JHY: variants seen among roughly 807,000 people sequenced by gnomAD.
JHY encodes the protein junctional cadherin complex regulator, also known as jhy protein homolog.
In JHY, 69 loss-of-function variants were observed where a neutral mutation model predicts 78.0. The observed-to-expected ratio is 0.88, with a 90% confidence interval of 0.73 to 1.08. The LOEUF is 1.08. Ranked by LOEUF, JHY falls within the 50% of genes least tolerant of loss-of-function variation. JHY has a pLI of 0.00. For synonymous variants in JHY, 368 were observed against 342.6 expected (o/e 1.07, Z -0.82); for missense variants, 944 against 927.8 (o/e 1.02, Z -0.23).
At chr11:122,905,535 C>T in intron 3 of JHY, 1 of 1,097,812 alleles carries the variant, frequency 9.1e-7, no homozygotes, top group African/African-American at 1.6e-5. Flanking sequence ...GGTGGATGAA[C>T]ATTTGTGGCT....
At chr11:122,905,024 T>C in intron 3 of JHY, 1 of 699,912 alleles carries the variant, frequency 1.4e-6, no homozygotes, top group Non-Finnish European at 2.4e-6. Flanking sequence ...AGGTGGGTTT[T>C]TTTTTTCAAT....
At chr11:122,911,654 C>G (rs2135319947) in intron 3 of JHY, among the ~76,000 whole-genome samples, 1 of 152,190 alleles carries the variant, frequency 6.6e-6, no homozygotes, top group Middle Eastern at 3.4e-3. Flanking sequence ...TCCTATAACC[C>G]TAGCACTTTG....
rs549805302 is a variant in JHY at position 122,955,113 on chromosome 11, G to A, written c.1930-1383G>A. On this transcript the variant is annotated intron_variant, in intron 6 of 8. Transcript: ENST00000227349. ...GGAAGTAGCGAGTCTAAACTTCAGG[G>A]TTTGTTGTTGTTGTTGTTGTTGTTT... Among the ~76,000 whole-genome samples the A allele has an allele frequency of 4.6e-5, 7 of 152,204 alleles. No individual in the cohort carries two copies. In the South Asian group the frequency reaches 1.5e-3, roughly 32 times the overall value.
Position 122,885,902 on chromosome 11 carries a change from A to C in JHY, c.53A>C (p.His18Pro), listed in dbSNP as rs145952459. Reference sequence around the variant, plus strand: ...CTCTCTATTCAATCTCCTGTCCTTCATACCAACTTAAATGTCCAGTCCACA... The same window carrying C: ...CTCTCTATTCAATCTCCTGTCCTTCCTACCAACTTAAATGTCCAGTCCACA... ...PKLSIQSPVLHTNLNVQSTHP... is the reference protein window; with the variant it reads ...PKLSIQSPVLPTNLNVQSTHP... The change falls in exon 2 of 9, where the codon CAT becomes CCT. Residue 18 changes from histidine (H) to proline (P), a missense_variant. Transcript: ENST00000227349. 1,054 of 1,614,190 alleles carry C rather than the reference A, an allele frequency of 6.5e-4. 1 individual carries two copies. The highest frequency in any genetic ancestry group is 1.1e-3 in the Admixed American group (64 of 60,024).
intron 2 of JHY, among the ~76,000 whole-genome samples, chr11:122,902,465 A>G (rs1328248070): frequency 6.7e-6 from 1 of 148,312 alleles, no homozygotes; most frequent in East Asian, 2.0e-4. Flanking sequence ...ACTTGTCTCA[A>G]AAAAAAAAAA....
intron 1 of JHY, among the ~76,000 whole-genome samples, chr11:122,885,165 A>G (rs894548644): frequency 6.6e-6 from 1 of 151,952 alleles, no homozygotes; most frequent in African/African-American, 2.4e-5. Flanking sequence ...ATTTATGTCC[A>G]CCTAAATTAT....
intron 2 of JHY, among the ~76,000 whole-genome samples, chr11:122,902,017 CA>C (rs1191164310): frequency 6.6e-6 from 1 of 152,062 alleles, no homozygotes; most frequent in Non-Finnish European, 1.5e-5. Flanking sequence ...GGAAGGTCTT[CA>C]GGGGCAGTAA....
Position 122,961,637 on chromosome 11 carries a change from T to A in JHY, c.*2192T>A, listed in dbSNP as rs1864319236. Among the ~76,000 whole-genome samples, 1 of 152,158 alleles carries A rather than the reference T, an allele frequency of 6.6e-6. No homozygotes were observed. The highest frequency in any genetic ancestry group is 1.5e-5 in the Non-Finnish European group (1 of 68,016). Reference sequence around the variant, plus strand: ...TCCAAAGTGCTGGGATTACAGGCGTTAGCTACTACACCTGGCCCTATGATC... The same window carrying A: ...TCCAAAGTGCTGGGATTACAGGCGTAAGCTACTACACCTGGCCCTATGATC... On this transcript the variant is annotated 3_prime_UTR_variant, in exon 9 of 9. Coordinates refer to ENST00000227349, the MANE Select transcript of JHY (RefSeq NM_024806.4).
chr11:122,890,783 T>G (rs1051194867), intron 2 of JHY, among the ~76,000 whole-genome samples: 1 of 152,224 alleles, frequency 6.6e-6, no homozygotes, highest in Non-Finnish European at 1.5e-5. Flanking sequence ...TTCCTCAGAT[T>G]GATTTGCCTT....
chr11:122,918,121 G>A (rs1020601415), intron 3 of JHY, among the ~76,000 whole-genome samples: 4 of 151,436 alleles, frequency 2.6e-5, no homozygotes, highest in South Asian at 2.1e-4. Context: ...GGCTGGTCTC[G>A]AACTCCTGGT....
At chr11:122,916,662 T>C (rs1488631638) in intron 3 of JHY, among the ~76,000 whole-genome samples, 1 of 152,164 alleles carries the variant, frequency 6.6e-6, no homozygotes, top group African/African-American at 2.4e-5. Context: ...GTTTTTGAGA[T>C]GTAGTCTCCC....
Position 122,934,538 on chromosome 11 carries a change from T to C in JHY, c.1097T>C (p.Ile366Thr). Residue 366 changes from isoleucine to threonine, a missense_variant, in exon 5 of 9, where the codon ATT becomes ACT. Coordinates refer to ENST00000227349, the MANE Select transcript of JHY (RefSeq NM_024806.4). ...QPSRRPAKLKIRKQCKHQNGL... is the reference protein window; with the variant it reads ...QPSRRPAKLKTRKQCKHQNGL... ...TCCAGAAGACCAGCCAAGCTCAAGA[T>C]TCGAAAGCAGTGTAAACACCAGAAT... 1 of 1,613,962 alleles carries C rather than the reference T, an allele frequency of 6.2e-7. No homozygotes were observed. Among genetic ancestry groups the C allele is most frequent in the Non-Finnish European group, 8.5e-7 (1 of 1,180,012 alleles).
At chr11:122,958,710 A>G (rs925860761) in intron 8 of JHY, 14 of 983,746 alleles carry the variant, frequency 1.4e-5, no homozygotes, top group Admixed American at 6.2e-5. Context: ...CATCACTGAG[A>G]AAAAGACTGC....
chr11:122,932,370 C>G (rs1468706940), intron 4 of JHY, among the ~76,000 whole-genome samples: 3 of 152,142 alleles, frequency 2.0e-5, no homozygotes, highest in African/African-American at 7.2e-5. Context: ...AGTCCTTGGC[C>G]TTGTTGTCAG....
rs1591404147 is a variant in JHY, at chr11:122,958,750, GA to G, written c.2140-491del. On this transcript the variant is annotated intron_variant, in intron 8 of 8. Coordinates refer to ENST00000227349, the MANE Select transcript of JHY (RefSeq NM_024806.4). Reference sequence around the variant, plus strand: ...TTCAGCGTCTAGATTGCTATAGAAAGAAAAAAATTTCAACCTCAAATACTTT... The same window carrying G: ...TTCAGCGTCTAGATTGCTATAGAAAGAAAAAATTTCAACCTCAAATACTTT... 9 of 985,014 alleles carry G rather than the reference GA, an allele frequency of 9.1e-6. No homozygotes were observed. The South Asian group carries it at 2.4e-4, about 26-fold the overall frequency. 61.0% of individuals were successfully genotyped at this position (985,014 alleles called of 1,614,324 possible). A position where few individuals can be genotyped will look rare whatever the true frequency, so the allele number is the denominator to read the frequency against.
intron 8 of JHY, among the ~76,000 whole-genome samples, chr11:122,957,710 AC>A (rs768089399): frequency 1.2e-3 from 186 of 151,486 alleles, no homozygotes; most frequent in Non-Finnish European, 2.3e-3. Flanking sequence ...TAAAAAAAAA[AC>A]CTTCCCATTT....
At chr11:122,910,735 C>G (rs966736594) in intron 3 of JHY, among the ~76,000 whole-genome samples, 15 of 152,044 alleles carry the variant, frequency 9.9e-5, no homozygotes, top group African/African-American at 3.1e-4. Flanking sequence ...TGTAGTAACC[C>G]TTATAACTTC....
At chr11:122,888,032 C>A (rs953724612) in intron 2 of JHY, among the ~76,000 whole-genome samples, 1 of 104,714 alleles carries the variant, frequency 9.5e-6, no homozygotes, top group Non-Finnish European at 1.9e-5. Flanking sequence ...TATCTTTCTT[C>A]TTCCTTCCTT....
intron 3 of JHY, among the ~76,000 whole-genome samples, chr11:122,907,042 G>A (rs957606505): frequency 1.3e-5 from 2 of 151,936 alleles, no homozygotes; most frequent in Non-Finnish European, 2.9e-5. Flanking sequence ...TAGTTGCTAT[G>A]CAGGATTCGA....
Sources: allele counts gnomAD v4.1 joint callset (sites outside exome capture counted in the v4.1 genomes callset), GRCh38; gene constraint gnomAD v4.1.1; transcripts MANE v1.5; gene names NCBI Gene and HGNC (gene_info 2026-07-23, HGNC 2026-07-21).